NME7: variants seen among roughly 807,000 people sequenced by gnomAD.
NME7 encodes the protein NME/NM23 family member 7, also known as nucleoside diphosphate kinase 7.
NME7 carries 41 observed loss-of-function variants against 49.1 expected under a neutral mutation model. The observed-to-expected ratio is 0.83, with a 90% CI of 0.65 to 1.08. NME7 has a LOEUF of 1.08. NME7 is among the 50% of genes least tolerant of loss of function. The pLI, the probability that NME7 is intolerant of heterozygous loss-of-function variation, is 0.00. For synonymous variants in NME7, 139 were observed against 150.6 expected, an observed-to-expected ratio of 0.92 and a Z score of 0.56; for missense variants, 423 against 463.4, an observed-to-expected ratio of 0.91 and a Z score of 0.80.
chr1:169,253,721 T>C (rs1449853496), intron 7 of NME7, among the ~76,000 whole-genome samples: 2 of 152,180 alleles, frequency 1.3e-5, no homozygotes, highest in Non-Finnish European at 2.9e-5. Context: ...GCTCTTATTA[T>C]TTTGAAATAC....
intron 1 of NME7, among the ~76,000 whole-genome samples, chr1:169,355,153 TATATTATAG>T (rs1653379868): frequency 5.0e-5 from 2 of 39,972 alleles, no homozygotes; most frequent in African/African-American, 1.9e-4. Context: ...TAATATACTA[TATATTATAG>T]ATATAATATA....
chr1:169,168,270 CTT>C (rs1659471072), intron 11 of NME7, among the ~76,000 whole-genome samples: 1 of 152,178 alleles, frequency 6.6e-6, no homozygotes, highest in Non-Finnish European at 1.5e-5. Flanking sequence ...TTTAAGTAAA[CTT>C]TCACTCCTGC....
At chr1:169,221,105 C>A (rs1661129631) in intron 10 of NME7, among the ~76,000 whole-genome samples, 1 of 152,150 alleles carries the variant, frequency 6.6e-6, no homozygotes, top group African/African-American at 2.4e-5. Flanking sequence ...ATTTAACCTT[C>A]ATCTACTCAT....
intron 4 of NME7, among the ~76,000 whole-genome samples, chr1:169,306,586 T>G (rs1020408434): frequency 5.3e-5 from 8 of 152,186 alleles, no homozygotes; most frequent in Admixed American, 5.2e-4. Flanking sequence ...AGCAGCAAGA[T>G]GAATCTAGGA....
chr1:169,205,061 T>C (rs764068148), intron 10 of NME7, among the ~76,000 whole-genome samples: 2 of 152,154 alleles, frequency 1.3e-5, no homozygotes, highest in Non-Finnish European at 2.9e-5. Context: ...TTTACTATTG[T>C]CACACTAATA....
intron 10 of NME7, among the ~76,000 whole-genome samples, chr1:169,196,904 A>T (rs1660395668): frequency 6.6e-6 from 1 of 152,176 alleles, no homozygotes; most frequent in Admixed American, 6.5e-5. Flanking sequence ...AAAGCCTTTG[A>T]TATACTTGTT....
rs1650318779 is a variant in NME7 at position 169,287,390 on chromosome 1, G to GA, written c.666dup (p.Pro223SerfsTer13). On this transcript the variant is annotated frameshift_variant, in exon 7 of 12. Coordinates refer to ENST00000367811, the MANE Select transcript of NME7 (RefSeq NM_013330.5). LOFTEE classifies it high-confidence loss of function. ...GCCGGCCCACAACCTCCACTTGAAG[G>GA]AAAAAACAACTCCATTTCCTAAAGA... The GA allele has an allele frequency of 1.3e-6, 2 of 1,571,000 alleles. No individual in the cohort carries two copies. The highest frequency in any genetic ancestry group is 2.3e-5 in the East Asian group (1 of 42,950).
At chr1:169,328,931 A>G (rs768510157) in intron 1 of NME7, among the ~76,000 whole-genome samples, 1 of 152,212 alleles carries the variant, frequency 6.6e-6, no homozygotes. Context: ...GGGTACAAAC[A>G]TGCCAAGATT....
At position 169,335,501 on chromosome 1, in the gene NME7, T is replaced by C. The variant is rs1652423696; in HGVS notation, c.4-11001A>G. Among the ~76,000 whole-genome samples the C allele has an allele frequency of 2.0e-5, 3 of 150,590 alleles. No individual in the cohort carries two copies. In the East Asian group the frequency reaches 5.9e-4, roughly 29 times the overall value. On this transcript the variant is annotated intron_variant, in intron 1 of 11. Transcript: ENST00000367811. Reference sequence around the variant, plus strand: ...CACATTCTCACTCATAAGTGGGAGGTGAACAATGAGAACACATAGAGAGGG... The same window carrying C: ...CACATTCTCACTCATAAGTGGGAGGCGAACAATGAGAACACATAGAGAGGG...
chr1:169,331,432 T>G (rs528430037), intron 1 of NME7, among the ~76,000 whole-genome samples: 1 of 152,174 alleles, frequency 6.6e-6, no homozygotes, highest in Non-Finnish European at 1.5e-5. Flanking sequence ...GTGCCCATTA[T>G]CACTACTGTT....
intron 1 of NME7, among the ~76,000 whole-genome samples, chr1:169,330,492 A>G (rs1010707549): frequency 2.6e-5 from 4 of 152,106 alleles, no homozygotes; most frequent in Admixed American, 6.6e-5. Context: ...AGCCTGGCCA[A>G]CATAGTGAAA....
intron 10 of NME7, among the ~76,000 whole-genome samples, chr1:169,192,763 T>C (rs1473347902): frequency 6.6e-6 from 1 of 152,158 alleles, no homozygotes; most frequent in African/African-American, 2.4e-5. Context: ...GAAAACAGTA[T>C]GCATGATGTA....
chr1:169,355,770 A>AT (rs1397282221), intron 1 of NME7, among the ~76,000 whole-genome samples: 4 of 151,766 alleles, frequency 2.6e-5, no homozygotes, highest in South Asian at 2.1e-4. Flanking sequence ...GTCTTGTTTG[A>AT]TTTTTTTTCC....
chr1:169,176,594 T>C (rs758415479), intron 10 of NME7, among the ~76,000 whole-genome samples: 2 of 152,168 alleles, frequency 1.3e-5, no homozygotes, highest in Non-Finnish European at 2.9e-5. Flanking sequence ...TAGGTTTCAA[T>C]AGACCACATG....
intron 1 of NME7, among the ~76,000 whole-genome samples, chr1:169,367,076 T>C (rs1653894185): frequency 6.6e-6 from 1 of 152,002 alleles, no homozygotes. Context: ...ATTCAGAATT[T>C]CCAGGGGTGA....
intron 7 of NME7, among the ~76,000 whole-genome samples, chr1:169,252,583 A>AT (rs1648681501): frequency 6.6e-6 from 1 of 151,968 alleles, no homozygotes; most frequent in African/African-American, 2.4e-5. Flanking sequence ...CCATTTGTCG[A>AT]TTTTGTCTTT....
intron 7 of NME7, among the ~76,000 whole-genome samples, chr1:169,278,987 T>C (rs181895056): frequency 2.0e-3 from 308 of 152,334 alleles, no homozygotes; most frequent in African/African-American, 6.8e-3. Context: ...CAGCGGTGTC[T>C]GCAGAACAGT....
intron 11 of NME7, among the ~76,000 whole-genome samples, chr1:169,144,542 A>AT (rs954484522): frequency 2.6e-5 from 4 of 152,176 alleles, no homozygotes; most frequent in African/African-American, 9.7e-5. Flanking sequence ...AGGGGCTTTC[A>AT]TGAAACCCAG....
At chr1:169,192,341 T>C (rs926320004) in intron 10 of NME7, among the ~76,000 whole-genome samples, 6 of 152,132 alleles carry the variant, frequency 3.9e-5, no homozygotes, top group African/African-American at 1.4e-4. Context: ...AAAAAATATT[T>C]TGAAAAAAAA....
Sources: allele counts gnomAD v4.1 joint callset (sites outside exome capture counted in the v4.1 genomes callset), GRCh38; gene constraint gnomAD v4.1.1; transcripts MANE v1.5; gene names NCBI Gene and HGNC (gene_info 2026-07-23, HGNC 2026-07-21).